PRR11: variants seen among roughly 807,000 people sequenced by gnomAD.
PRR11 encodes proline-rich protein 11.
In PRR11, 30 loss-of-function variants were observed where a neutral mutation model predicts 45.6. The observed-to-expected ratio is 0.66, with a 90% CI of 0.49 to 0.89. PRR11 has a LOEUF of 0.89. PRR11 is among the 40% of genes least tolerant of loss of function. PRR11 has a pLI of 0.00. For synonymous variants in PRR11, 128 were observed against 153.5 expected (o/e 0.83, Z 1.23); for missense variants, 373 against 424.8 (o/e 0.88, Z 1.07).
At chr17:59,192,432 T>C (rs963911710) in intron 4 of PRR11, among the ~76,000 whole-genome samples, 3 of 152,334 alleles carry the variant, frequency 2.0e-5, no homozygotes, top group East Asian at 1.9e-4. Context: ...TACACCGTTT[T>C]ACTTCATAGG....
At chr17:59,184,573 C>A (rs1169506248) in intron 2 of PRR11, among the ~76,000 whole-genome samples, 1 of 152,200 alleles carries the variant, frequency 6.6e-6, no homozygotes, top group African/African-American at 2.4e-5. Flanking sequence ...AATGAGGAAG[C>A]AGATCCCATT....
intron 2 of PRR11, among the ~76,000 whole-genome samples, chr17:59,173,803 C>T (rs2046726320): frequency 6.6e-6 from 1 of 152,124 alleles, no homozygotes; most frequent in South Asian, 2.1e-4. Context: ...TAGAACAGTC[C>T]AGGTTCTTCT....
intron 2 of PRR11, among the ~76,000 whole-genome samples, chr17:59,172,896 G>A (rs2046718510): frequency 6.6e-6 from 1 of 152,260 alleles, no homozygotes; most frequent in Non-Finnish European, 1.5e-5. Flanking sequence ...CAAGGGCTGA[G>A]GAGTGTGGGC....
At position 59,181,810 on chromosome 17, in the gene PRR11, C is replaced by G. The variant is rs1419139718; in HGVS notation, c.129-3244C>G. 4 of 1,528,150 alleles carry G rather than the reference C, an allele frequency of 2.6e-6. No individual in the cohort carries two copies. The African/African-American group carries it at 5.5e-5, about 21-fold the overall frequency. 94.7% of individuals were successfully genotyped at this position (1,528,150 alleles called of 1,614,324 possible). A position where few individuals can be genotyped will look rare whatever the true frequency, so the allele number is the denominator to read the frequency against. On this transcript the variant is annotated intron_variant, in intron 2 of 9. Coordinates refer to ENST00000262293, the MANE Select transcript of PRR11 (RefSeq NM_018304.4). ...CAACTGATCACCTTAGACCCCGACC[C>G]CGACCCCAACCCCAAACCACTCTCC...
At chr17:59,182,121 G>A (rs745357994) in intron 2 of PRR11, among the ~76,000 whole-genome samples, 4 of 151,108 alleles carry the variant, frequency 2.6e-5, no homozygotes, top group Non-Finnish European at 5.9e-5. Context: ...TCTGTCTCCC[G>A]GATTCCAGTT....
At position 59,195,394 on chromosome 17, in the gene PRR11, C is replaced by T. The variant is rs779245209; in HGVS notation, c.808C>T (p.Leu270=). 23 of 1,613,966 alleles carry T rather than the reference C, an allele frequency of 1.4e-5. No homozygotes were observed. The highest frequency in any genetic ancestry group is 1.9e-5 in the Non-Finnish European group (22 of 1,179,916). The change falls in exon 7 of 10, where the codon CTG becomes TTG. Residue 270 remains leucine (L), a synonymous_variant. Coordinates refer to ENST00000262293, the MANE Select transcript of PRR11 (RefSeq NM_018304.4). The stretch of plus-strand genomic sequence containing the variant: ...CGTCTCTGACTTGCAGCATGTTACC[C>T]TGAAACCTAACTCCAAAGTGTTATC... ...VTVSDLQHVT[L]KPNSKVLSTR...
At chr17:59,163,089 A>G (rs970420711) in intron 1 of PRR11, among the ~76,000 whole-genome samples, 2 of 147,792 alleles carry the variant, frequency 1.4e-5, no homozygotes, top group African/African-American at 2.5e-5. Flanking sequence ...TAAATTGTCA[A>G]TGCTTATACT....
At chr17:59,173,338 AC>A (rs907248226) in intron 2 of PRR11, among the ~76,000 whole-genome samples, 3 of 152,154 alleles carry the variant, frequency 2.0e-5, no homozygotes, top group African/African-American at 4.8e-5. Flanking sequence ...AGTAGTGGCA[AC>A]CAGTGGGGGC....
At chr17:59,175,488 G>A (rs1353052166) in intron 2 of PRR11, among the ~76,000 whole-genome samples, 3 of 152,194 alleles carry the variant, frequency 2.0e-5, no homozygotes, top group Admixed American at 6.5e-5. Context: ...CACGCCAGAC[G>A]TGGTGGCTCA....
At chr17:59,187,111 G>A (rs1006581823) in intron 4 of PRR11, among the ~76,000 whole-genome samples, 2 of 152,118 alleles carry the variant, frequency 1.3e-5, no homozygotes, top group African/African-American at 2.4e-5. Flanking sequence ...GATCATCTGA[G>A]ATCAGGAGAA....
chr17:59,165,778 G>T (rs1193611511), intron 1 of PRR11, among the ~76,000 whole-genome samples: 1 of 151,540 alleles, frequency 6.6e-6, no homozygotes, highest in East Asian at 1.9e-4. Context: ...GGCAACAAGA[G>T]CAAAACTCTG....
intron 1 of PRR11, among the ~76,000 whole-genome samples, chr17:59,161,932 A>G (rs1375157481): frequency 1.3e-5 from 2 of 152,234 alleles, no homozygotes; most frequent in African/African-American, 4.8e-5. Flanking sequence ...AATTTGGGCA[A>G]TTATCCTCTG....
Position 59,193,644 on chromosome 17 carries a change from T to C in PRR11, c.555T>C (p.Pro185=). Reference sequence around the variant, plus strand: ...TGCCACAGCCAGCCAGCCATTTTCCTCCTCCTCCTCCACCTCCACCTCTGC... The same window carrying C: ...TGCCACAGCCAGCCAGCCATTTTCCCCCTCCTCCTCCACCTCCACCTCTGC... The part of the protein sequence containing the change: ...PTLPQPASHF[P]PPPPPPPLPP... Residue 185 remains proline (P), a synonymous_variant, in exon 5 of 10, where the codon CCT becomes CCC. Coordinates refer to ENST00000262293, the MANE Select transcript of PRR11 (RefSeq NM_018304.4). The C allele has an allele frequency of 3.7e-6, 6 of 1,614,020 alleles. No homozygotes were observed. Among genetic ancestry groups the C allele is most frequent in the Non-Finnish European group, 5.1e-6 (6 of 1,179,996 alleles).
chr17:59,182,275 G>T (rs111931271), intron 2 of PRR11, among the ~76,000 whole-genome samples: 20,751 of 151,196 alleles, frequency 0.14, 1,761 homozygotes, highest in East Asian at 0.27. Flanking sequence ...TGATCTGCCC[G>T]CCTTGGCCTC....
In PRR11 at chr17:59,185,505, A is replaced by G. The variant is rs777371562; in HGVS notation, c.345A>G (p.Val115=). Reference sequence around the variant, plus strand: ...TCTGCCACCGAGAACTTTACAGTGTAAAACAACAGTTTTGCATTTTGGAAA... The same window carrying G: ...TCTGCCACCGAGAACTTTACAGTGTGAAACAACAGTTTTGCATTTTGGAAA... ...SRICHRELYS[V]KQQFCILESK... is the part of the protein sequence containing the mutation. The change falls in exon 4 of 10, where the codon GTA becomes GTG. Residue 115 remains valine (V), a synonymous_variant. Transcript: ENST00000262293. 4 of 1,613,064 alleles carry G rather than the reference A, an allele frequency of 2.5e-6. No homozygotes were observed. Among genetic ancestry groups the G allele is most frequent in the South Asian group, 1.1e-5 (1 of 90,954 alleles).
chr17:59,179,523 A>T, intron 2 of PRR11: 1 of 1,318,270 alleles, frequency 7.6e-7, no homozygotes, highest in Non-Finnish European at 1.0e-6. Flanking sequence ...ATCACTTCTG[A>T]GTCCTCCCGC....
chr17:59,206,083 A>G lies in PRR11; in HGVS notation c.*4452A>G, dbSNP rs1237289879. ...AAAGAAAGAAAAAGAAAAATGCTTT[A>G]TGGCCCAGTGCAGTGGCTCACACCT... On this transcript the variant is annotated 3_prime_UTR_variant, in exon 10 of 10. Transcript: ENST00000262293. 6.6e-6 allele frequency among the ~76,000 whole-genome samples: 1 copy of G among 151,476 alleles called. No homozygotes were observed. The highest frequency in any genetic ancestry group is 1.5e-5 in the Non-Finnish European group (1 of 67,870).
At chr17:59,161,126 G>T (rs2046650171) in intron 1 of PRR11, among the ~76,000 whole-genome samples, 1 of 152,088 alleles carries the variant, frequency 6.6e-6, no homozygotes. Context: ...AAATACATAG[G>T]CCAGGCATGG....
chr17:59,167,031 G>A (rs988856367), intron 1 of PRR11, among the ~76,000 whole-genome samples: 2 of 152,080 alleles, frequency 1.3e-5, no homozygotes, highest in African/African-American at 2.4e-5. Context: ...GGCGTGGATG[G>A]CGGGCACCTG....
Sources: allele counts gnomAD v4.1 joint callset (sites outside exome capture counted in the v4.1 genomes callset), GRCh38; gene constraint gnomAD v4.1.1; transcripts MANE v1.5; gene names NCBI Gene and HGNC (gene_info 2026-07-23, HGNC 2026-07-21).